Variants in DPY19L4 observed in about 807,000 individuals in gnomAD.
DPY19L4 encodes the protein dpy-19 like 4, also known as probable C-mannosyltransferase DPY19L4.
DPY19L4 carries 97 observed loss-of-function variants against 102.8 expected under a neutral mutation model. That is an observed-to-expected ratio of 0.94 (90% CI 0.80 to 1.12). DPY19L4 has a LOEUF of 1.12. Among genes scored for constraint, DPY19L4 ranks in the 50% most tolerant of loss-of-function variants. The pLI is 0.00. For missense variants in DPY19L4, 815 were observed against 850.4 expected, an observed-to-expected ratio of 0.96 and a Z score of 0.52; for synonymous variants, 252 against 283.1, an observed-to-expected ratio of 0.89 and a Z score of 1.10.
At chr8:94,785,719 ACCT>A (rs1440933371) in intron 17 of DPY19L4, among the ~76,000 whole-genome samples, 1 of 152,214 alleles carries the variant, frequency 6.6e-6, no homozygotes, top group Non-Finnish European at 1.5e-5. Context: ...GGGGAGATCT[ACCT>A]GAGAATGATT....
intron 6 of DPY19L4, among the ~76,000 whole-genome samples, chr8:94,741,480 T>C (rs1811441240): frequency 6.6e-6 from 1 of 152,218 alleles, no homozygotes; most frequent in South Asian, 2.1e-4. Context: ...TTGGTTACCT[T>C]CAAGTCACTA....
chr8:94,767,742 A>G (rs1019352878), intron 11 of DPY19L4, among the ~76,000 whole-genome samples: 2 of 152,146 alleles, frequency 1.3e-5, no homozygotes, highest in Non-Finnish European at 2.9e-5. Flanking sequence ...ACATTTGTCA[A>G]TATACAGTAG....
intron 12 of DPY19L4, among the ~76,000 whole-genome samples, chr8:94,770,006 A>T (rs971515197): frequency 6.6e-6 from 1 of 150,758 alleles, no homozygotes; most frequent in Non-Finnish European, 1.5e-5. Flanking sequence ...TCTTGCCTCA[A>T]CCTCCGGAGT....
chr8:94,768,360 T>G, intron 11 of DPY19L4, 35 bp from the exon 12 acceptor site: 1 of 1,532,878 alleles, frequency 6.5e-7, no homozygotes, highest in Non-Finnish European at 8.8e-7. Flanking sequence ...TTAAAACGTC[T>G]ATGAATTTAA....
At chr8:94,760,074 C>T (rs1320731742) in intron 7 of DPY19L4, among the ~76,000 whole-genome samples, 2 of 152,288 alleles carry the variant, frequency 1.3e-5, no homozygotes, top group East Asian at 1.9e-4. Flanking sequence ...CTGCACAGAA[C>T]CTTGAAAATG....
chr8:94,780,418 A>G lies in DPY19L4; in HGVS notation c.1632+3A>G. 1 of 1,448,406 alleles carries G rather than the reference A, an allele frequency of 6.9e-7. No homozygotes were observed. Among genetic ancestry groups the G allele is most frequent in the South Asian group, 1.7e-5 (1 of 59,070 alleles). 89.7% of individuals were successfully genotyped at this position (1,448,406 alleles called of 1,614,324 possible). A position where few individuals can be genotyped will look rare whatever the true frequency, so the allele number is the denominator to read the frequency against. Reference sequence around the variant, plus strand: ...TAGGTCTCAGCTTATGGAAAGAGGTAAAAAAATTAGATTTTTATATTAATA... The same window carrying G: ...TAGGTCTCAGCTTATGGAAAGAGGTGAAAAAATTAGATTTTTATATTAATA... On this transcript the variant is annotated splice_donor_region_variant and intron_variant, in intron 15 of 18. Coordinates refer to ENST00000414645, the MANE Select transcript of DPY19L4 (RefSeq NM_181787.3).
At chr8:94,738,187 A>G (rs1002886910) in intron 3 of DPY19L4, among the ~76,000 whole-genome samples, 182 bp from the exon 4 acceptor site, 12 of 150,272 alleles carry the variant, frequency 8.0e-5, no homozygotes, top group African/African-American at 2.0e-4. Context: ...GCGTGGTGGC[A>G]GGCGCCTGTA....
intron 13 of DPY19L4, among the ~76,000 whole-genome samples, chr8:94,777,015 A>G (rs7012479): frequency 0.041 from 6,212 of 150,882 alleles, 419 homozygotes; most frequent in African/African-American, 0.14. Flanking sequence ...TTATGCTAAT[A>G]TATTTTTAGG....
Position 94,719,913 on chromosome 8 carries a change from C to T in DPY19L4, c.-86C>T. On this transcript the variant is annotated 5_prime_UTR_variant, in exon 1 of 19. Coordinates refer to ENST00000414645, the MANE Select transcript of DPY19L4 (RefSeq NM_181787.3). ...GGCGCGGCGGCCAGGAGCGGGCCCC[C>T]GGAGGCCGAGGGGTTCGGCGACGCG... 1 of 1,405,406 alleles carries T rather than the reference C, an allele frequency of 7.1e-7. No homozygotes were observed. Among genetic ancestry groups the T allele is most frequent in the Non-Finnish European group, 9.3e-7 (1 of 1,071,018 alleles). 87.1% of individuals were successfully genotyped at this position (1,405,406 alleles called of 1,614,324 possible).
At chr8:94,773,351 T>A (rs1385506593) in intron 13 of DPY19L4, among the ~76,000 whole-genome samples, 2 of 152,188 alleles carry the variant, frequency 1.3e-5, no homozygotes, top group East Asian at 3.8e-4. Context: ...TTTAGAAGTT[T>A]GGAGCTTTAA....
At chr8:94,757,716 A>G (rs1032991964) in intron 7 of DPY19L4, among the ~76,000 whole-genome samples, 3 of 152,106 alleles carry the variant, frequency 2.0e-5, no homozygotes, top group African/African-American at 7.2e-5. Context: ...GGCCAAGAGT[A>G]TATTTTCTTT....
At chr8:94,780,950 T>C (rs1813398915) in intron 15 of DPY19L4, 134 bp from the exon 16 acceptor site, 2 of 618,814 alleles carry the variant, frequency 3.2e-6, no homozygotes, top group African/African-American at 1.9e-5. Context: ...ATTTTTTCCA[T>C]GCGAACGGTG....
intron 13 of DPY19L4, among the ~76,000 whole-genome samples, chr8:94,774,568 T>C (rs1445944419): frequency 1.3e-5 from 2 of 150,294 alleles, no homozygotes; most frequent in Non-Finnish European, 3.0e-5. Flanking sequence ...CATTTGACTT[T>C]CCACTTCTTT....
At chr8:94,774,039 TAAAAAAAAAAAAA>T (rs79751438) in intron 13 of DPY19L4, among the ~76,000 whole-genome samples, 1 of 102,782 alleles carries the variant, frequency 9.7e-6, no homozygotes, top group African/African-American at 3.8e-5. Context: ...TGTCTTTAGT[TAAAAAAAAAAAAA>T]AAAAAAAAAA....
intron 12 of DPY19L4, among the ~76,000 whole-genome samples, chr8:94,769,288 C>T (rs765790135): frequency 6.6e-6 from 1 of 151,726 alleles, no homozygotes; most frequent in Non-Finnish European, 1.5e-5. Flanking sequence ...CTCAAACTCC[C>T]GACCTCAAGG....
At chr8:94,744,277 G>A in intron 6 of DPY19L4, 1 of 444,460 alleles carries the variant, frequency 2.2e-6, no homozygotes, top group South Asian at 1.6e-5. Context: ...ATTTCCCAGA[G>A]GCCCAGTACC....
chr8:94,765,414 C>T, intron 9 of DPY19L4, 100 bp downstream of exon 9: 4 of 1,133,128 alleles, frequency 3.5e-6, no homozygotes, highest in Non-Finnish European at 2.5e-6. Flanking sequence ...CAGCTCACTG[C>T]AACCTCTGCC....
At chr8:94,720,824 T>C (rs1490257195) in intron 1 of DPY19L4, among the ~76,000 whole-genome samples, 3 of 152,228 alleles carry the variant, frequency 2.0e-5, no homozygotes, top group Non-Finnish European at 4.4e-5. Context: ...TGATAACCCC[T>C]ACTAGTTTCA....
At chr8:94,737,792 A>G (rs576668102) in intron 3 of DPY19L4, among the ~76,000 whole-genome samples, 2,574 of 151,792 alleles carry the variant, frequency 0.017, 70 homozygotes, top group African/African-American at 0.058. Flanking sequence ...CAAACAAAAC[A>G]AAACAAAACA....
Sources: gnomAD v4.1 joint callset for allele counts (sites outside exome capture counted in the v4.1 genomes callset) on GRCh38, gnomAD v4.1.1 for gene constraint, MANE v1.5 for transcripts, NCBI Gene and HGNC (gene_info 2026-07-23, HGNC 2026-07-21) for gene names.